Variants in SEMA4G observed in about 807,000 individuals in gnomAD.
SEMA4G encodes semaphorin 4G.
In SEMA4G, 59 loss-of-function variants were observed where a neutral mutation model predicts 81.2. That is an observed-to-expected ratio of 0.73 (90% CI 0.59 to 0.90). SEMA4G has a LOEUF of 0.90. Ranked by LOEUF, SEMA4G falls within the 40% of genes least tolerant of loss-of-function variation. The pLI, the probability that SEMA4G is intolerant of heterozygous loss-of-function variation, is 0.00. For synonymous variants in SEMA4G, 404 were observed against 433.9 expected, an observed-to-expected ratio of 0.93 and a Z score of 0.86; for missense variants, 952 against 1,102.3, an observed-to-expected ratio of 0.86 and a Z score of 1.93.
At chr10:100,984,226 C>T in exon 14 of SEMA4G, 4 of 1,486,292 alleles carry the variant, frequency 2.7e-6, no homozygotes, top group Non-Finnish European at 2.7e-6. Flanking sequence ...CCTTCATTAC[C>T]CCCACTCCAT....
chr10:100,979,506 C>A, intron 8 of SEMA4G: 1 of 1,152,360 alleles, frequency 8.7e-7, no homozygotes, highest in Non-Finnish European at 1.2e-6. Flanking sequence ...CCTCGGCCTC[C>A]CGAGTAGCTG....
At position 100,980,229 on chromosome 10, in the gene SEMA4G, G is replaced by A. The variant is rs748004748; in HGVS notation, c.1236G>A (p.Val412=). ...ACCCACTGATGGCTCGGCCCGTTGTGCCCACACGTGGACGGCCCCTGCTGC... is the reference window on the plus strand; with the variant it reads ...ACCCACTGATGGCTCGGCCCGTTGTACCCACACGTGGACGGCCCCTGCTGC... Residue 412 remains valine (V), a synonymous_variant, in exon 10 of 14, where the codon GTG becomes GTA. Transcript: ENST00000370250. 1.9e-5 allele frequency: 31 copies of A among 1,614,114 alleles called. No homozygotes were observed. The East Asian group carries it at 6.0e-4, about 31-fold the overall frequency.
intron 10 of SEMA4G, 38 bp downstream of exon 11, chr10:100,980,382 GATCACTAATGCTTCTGA>G: frequency 1.3e-6 from 2 of 1,571,602 alleles, no homozygotes; most frequent in Non-Finnish European, 1.7e-6. Context: ...TGTTGGCCCT[GATCACTAATGCTTCTGA>G]ATCCATTAAT....
At chr10:100,984,417 C>T in exon 14 of SEMA4G, 2 of 1,473,308 alleles carry the variant, frequency 1.4e-6, no homozygotes, top group Non-Finnish European at 1.8e-6. Flanking sequence ...TATCCCCTAA[C>T]CTAAACACTT....
exon 14 of SEMA4G, chr10:100,983,624 A>G (rs762152467): frequency 6.2e-6 from 10 of 1,613,994 alleles, no homozygotes; most frequent in Non-Finnish European, 7.6e-6. Context: ...CACAGCTGGC[A>G]CCTGATGTGA....
At chr10:100,978,715 C>A in intron 6 of SEMA4G, 75 bp downstream of exon 7, 1 of 1,551,360 alleles carries the variant, frequency 6.4e-7, no homozygotes, top group Non-Finnish European at 8.9e-7. Flanking sequence ...GCCAGCTGAC[C>A]ACCCCACCCC....
intron 7 of SEMA4G, 34 bp from the exon 9 acceptor site, chr10:100,979,068 C>T: frequency 1.2e-6 from 2 of 1,613,136 alleles, no homozygotes; most frequent in Non-Finnish European, 1.7e-6. Context: ...GACCTCTGAC[C>T]CTGGCCCCTT....
At chr10:100,979,948 T>G in exon 9 of SEMA4G, 2 of 1,614,044 alleles carry the variant, frequency 1.2e-6, no homozygotes, top group Non-Finnish European at 1.7e-6. Context: ...TTCCCGGCGC[T>G]GGGGTCGCTA....
intron 3 of SEMA4G, among the ~76,000 whole-genome samples, chr10:100,974,404 C>T (rs904054708): frequency 1.3e-5 from 2 of 151,994 alleles, no homozygotes; most frequent in African/African-American, 2.4e-5. Flanking sequence ...GTTGAGGCTG[C>T]GTGAGCTATA....
chr10:100,983,730 C>T lies in SEMA4G; in HGVS notation c.2116C>T (p.Arg706Ter), dbSNP rs542184127. 43 of 1,613,374 alleles carry T rather than the reference C, an allele frequency of 2.7e-5. No individual in the cohort carries two copies. The highest frequency in any genetic ancestry group is 3.3e-5 in the Non-Finnish European group (39 of 1,179,776). ...TGTGGCCTGTCTGCGGGAAGGCAGA[C>T]GAGGGCGCCGACGGAAATACTCACT... Residue 706 changes from arginine to a stop codon, truncating the protein, a stop_gained, in exon 14 of 14, where the codon CGA becomes TGA. Coordinates refer to ENST00000370250, the Ensembl canonical transcript of SEMA4G. LOFTEE classifies it high-confidence loss of function.
At chr10:100,974,197 G>A (rs1397784899) in intron 3 of SEMA4G, among the ~76,000 whole-genome samples, 2 of 152,016 alleles carry the variant, frequency 1.3e-5, no homozygotes, top group Non-Finnish European at 2.9e-5. Context: ...GAACGCGGTG[G>A]CTCACATCTG....
exon 1 of SEMA4G, chr10:100,972,961 G>A (rs1850674430): frequency 6.2e-7 from 1 of 1,613,502 alleles, no homozygotes; most frequent in Non-Finnish European, 8.5e-7. Flanking sequence ...CACAGCAACT[G>A]CAGTCCCAGG....
chr10:100,981,628 T>A, intron 13 of SEMA4G: 1 of 1,498,144 alleles, frequency 6.7e-7, no homozygotes, highest in Non-Finnish European at 9.2e-7. Flanking sequence ...AATACTTCTA[T>A]GCATGATGTC....
In SEMA4G at chr10:100,973,173, T is replaced by G; in HGVS notation, c.169T>G (p.Ser57Ala). ...CTTCAAGGGCCAAGCCCAGAACTAC[T>G]CAACACTGCTGCTGGAGGAGGCCTC... Residue 57 changes from serine to alanine, a missense_variant, in exon 2 of 14, where the codon TCA becomes GCA. Coordinates refer to ENST00000370250, the Ensembl canonical transcript of SEMA4G. The surrounding 1 kb of genome is among the most constrained non-coding windows in gnomAD (Gnocchi z 5.5). 1.2e-6 allele frequency: 2 copies of G among 1,613,814 alleles called. No individual in the cohort carries two copies. Among genetic ancestry groups the G allele is most frequent in the Non-Finnish European group, 8.5e-7 (1 of 1,179,994 alleles).
At chr10:100,975,033 G>C (rs945393993) in intron 3 of SEMA4G, 1 of 534,214 alleles carries the variant, frequency 1.9e-6, no homozygotes, top group Admixed American at 1.9e-5. Flanking sequence ...GTTTAAAAAG[G>C]CATCTCCAAG....
chr10:100,980,947 C>A, exon 12 of SEMA4G: 1 of 1,609,320 alleles, frequency 6.2e-7, no homozygotes, highest in South Asian at 1.1e-5. Flanking sequence ...ACCCTGGCAC[C>A]CATGCCTGCG....
At chr10:100,983,641 T>C (rs990022918) in exon 14 of SEMA4G, 2 of 1,613,890 alleles carry the variant, frequency 1.2e-6, no homozygotes, top group South Asian at 1.1e-5. Context: ...GTGAGACTGC[T>C]CTATGTGCTA....
At chr10:100,984,598 G>A (rs1173815254) in exon 14 of SEMA4G, 8 of 1,536,084 alleles carry the variant, frequency 5.2e-6, no homozygotes, top group Non-Finnish European at 6.1e-6. Context: ...CCTAAGCCCT[G>A]CGTACATTCA....
chr10:100,984,334 C>T lies in SEMA4G; in HGVS notation c.*203C>T, dbSNP rs1385143611. On this transcript the variant is annotated 3_prime_UTR_variant, in exon 14 of 14. Coordinates refer to ENST00000370250, the Ensembl canonical transcript of SEMA4G. ...TCCACAGACCCACATGTGAGCAGCC[C>T]AGGCCCATCGGTGCTCCTCAGAGGT... 7 of 1,442,172 alleles carry T rather than the reference C, an allele frequency of 4.9e-6. No individual in the cohort carries two copies. In the African/African-American group the frequency reaches 1.0e-4, roughly 21 times the overall value. 89.3% of individuals were successfully genotyped at this position (1,442,172 alleles called of 1,614,324 possible). A position where few individuals can be genotyped will look rare whatever the true frequency, so the allele number is the denominator to read the frequency against.
Sources: allele counts gnomAD v4.1 joint callset (sites outside exome capture counted in the v4.1 genomes callset), GRCh38; gene constraint gnomAD v4.1.1; non-coding constraint Gnocchi (gnomAD v3.1); transcripts MANE v1.5; gene names NCBI Gene and HGNC (gene_info 2026-07-23, HGNC 2026-07-21).